The following RALGPS1 variants were observed in gnomAD, a reference collection of about 807,000 sequenced individuals.
The protein encoded by RALGPS1 is ras-specific guanine nucleotide-releasing factor RalGPS1.
Under a neutral mutation model 78.8 loss-of-function variants are expected in RALGPS1, and 19 were observed. The observed-to-expected ratio is 0.24, with a 90% CI of 0.17 to 0.35. RALGPS1 has a LOEUF of 0.35. Ranked by LOEUF, RALGPS1 falls within the 10% of genes least tolerant of loss-of-function variation. The pLI is 1.00. For missense variants in RALGPS1, 454 were observed against 688.3 expected (o/e 0.66, Z 3.81); for synonymous variants, 228 against 256.3 (o/e 0.89, Z 1.06).
intron 8 of RALGPS1, among the ~76,000 whole-genome samples, chr9:127,127,924 G>C (rs1041000917): frequency 4.6e-5 from 7 of 151,988 alleles, no homozygotes; most frequent in Non-Finnish European, 1.0e-4. Context: ...TGTGCACAAC[G>C]TGCAGGTTTT....
At chr9:127,197,976 C>T (rs1200038486) in intron 13 of RALGPS1, among the ~76,000 whole-genome samples, 5 of 152,144 alleles carry the variant, frequency 3.3e-5, no homozygotes, top group African/African-American at 7.2e-5. Context: ...CTCAGCTGGG[C>T]GGCAAAACAG....
In RALGPS1 at chr9:127,221,433, G is replaced by A. The variant is rs1288938370; in HGVS notation, c.*2664G>A. The stretch of plus-strand genomic sequence containing the variant: ...TTATAGAAAGCTGTCTACAACTGTG[G>A]AGTTGGTAGCTGGTAACATTGTTGT... On this transcript the variant is annotated 3_prime_UTR_variant, in exon 19 of 19. Transcript: ENST00000259351. 2 of 152,198 alleles carry A rather than the reference G, an allele frequency of 1.3e-5. No homozygotes were observed. The highest frequency in any genetic ancestry group is 2.9e-5 in the Non-Finnish European group (2 of 68,038). 9.4% of individuals were successfully genotyped at this position (152,198 alleles called of 1,614,324 possible).
Position 126,916,112 on chromosome 9 carries a change from A to T in RALGPS1, c.-66+1137A>T, listed in dbSNP as rs975894056. Among the ~76,000 whole-genome samples, 5 of 152,200 alleles carry T rather than the reference A, an allele frequency of 3.3e-5. 1 individual carries two copies. The highest frequency in any genetic ancestry group is 5.9e-5 in the Non-Finnish European group (4 of 68,034). ...CAGTGCCTACTGAGCAAATCGCTGG[A>T]TAAAGTTATGAGTTTCCTTTTTCTT... On this transcript the variant is annotated intron_variant, in intron 1 of 18. Coordinates refer to ENST00000259351, the MANE Select transcript of RALGPS1 (RefSeq NM_014636.3).
intron 8 of RALGPS1, among the ~76,000 whole-genome samples, chr9:127,140,208 T>C (rs575321253): frequency 9.2e-5 from 14 of 152,328 alleles, no homozygotes; most frequent in African/African-American, 3.1e-4. Context: ...CCACTTTTCC[T>C]CCTGCCTTGA....
chr9:127,190,230 T>C (rs1452087232), intron 11 of RALGPS1, among the ~76,000 whole-genome samples: 1 of 152,268 alleles, frequency 6.6e-6, no homozygotes, highest in Non-Finnish European at 1.5e-5. Flanking sequence ...TACTGTTGTT[T>C]TGTGTGTTTG....
intron 2 of RALGPS1, among the ~76,000 whole-genome samples, chr9:126,963,891 G>A (rs1214580439): frequency 1.3e-5 from 2 of 152,196 alleles, no homozygotes; most frequent in Admixed American, 6.5e-5. Context: ...GGGTATAGAA[G>A]TATAGAACGG....
At chr9:127,186,124 T>C (rs1489307844) in intron 11 of RALGPS1, among the ~76,000 whole-genome samples, 1 of 152,258 alleles carries the variant, frequency 6.6e-6, no homozygotes, top group East Asian at 1.9e-4. Flanking sequence ...ATGAGAGGTC[T>C]GTTGGGCAGC....
chr9:127,088,930 G>T (rs1228516997), intron 8 of RALGPS1: 1 of 1,614,194 alleles, frequency 6.2e-7, no homozygotes, highest in South Asian at 1.1e-5. Context: ...GTCAGGAGGG[G>T]GAGCTGGCTT....
intron 5 of RALGPS1, among the ~76,000 whole-genome samples, chr9:127,049,284 A>C (rs1361094057): frequency 2.6e-5 from 4 of 152,120 alleles, no homozygotes; most frequent in African/African-American, 9.7e-5. Context: ...CGTTGCATTG[A>C]GGTGCCATGT....
chr9:127,024,323 C>T (rs1226785325), intron 4 of RALGPS1, among the ~76,000 whole-genome samples: 1 of 151,326 alleles, frequency 6.6e-6, no homozygotes, highest in African/African-American at 2.4e-5. Flanking sequence ...CAAAGGTACA[C>T]TCTTTAAACT....
intron 1 of RALGPS1, among the ~76,000 whole-genome samples, chr9:126,921,194 G>T (rs553157816): frequency 6.6e-6 from 1 of 152,328 alleles, no homozygotes; most frequent in South Asian, 2.1e-4. Flanking sequence ...CATGATGAAA[G>T]TTAGGTATTG....
intron 8 of RALGPS1, among the ~76,000 whole-genome samples, chr9:127,107,289 A>G (rs951315114): frequency 6.6e-6 from 1 of 152,222 alleles, no homozygotes; most frequent in East Asian, 1.9e-4. Context: ...AAAACCTGCC[A>G]GCAATCCCAT....
At chr9:127,151,182 C>A (rs1588183005) in intron 8 of RALGPS1, among the ~76,000 whole-genome samples, 1 of 144,664 alleles carries the variant, frequency 6.9e-6, no homozygotes. Context: ...GACTCCGTCT[C>A]AAAAAAAAAA....
chr9:126,951,979 A>C (rs1001969178), intron 1 of RALGPS1, among the ~76,000 whole-genome samples: 7 of 152,256 alleles, frequency 4.6e-5, no homozygotes, highest in African/African-American at 1.7e-4. Flanking sequence ...AAGTCTCAGG[A>C]TACAAAATCT....
chr9:126,988,754 G>T (rs955402974), intron 4 of RALGPS1, among the ~76,000 whole-genome samples: 6 of 152,216 alleles, frequency 3.9e-5, no homozygotes, highest in African/African-American at 1.4e-4. Flanking sequence ...TGGTTGTGAG[G>T]CTGCTGCAAG....
chr9:127,125,203 C>T (rs1195900415), intron 8 of RALGPS1, among the ~76,000 whole-genome samples: 2 of 152,242 alleles, frequency 1.3e-5, no homozygotes, highest in African/African-American at 4.8e-5. Context: ...GTGTAACACA[C>T]ACTGCCTAGT....
Position 127,052,941 on chromosome 9 carries a change from T to C in RALGPS1, c.483+2T>C. ...TTCAGGCTGACAAAAACCTGGGCTG[T>C]AAGTTAATCTCCCTAAGTCTATCTA... On this transcript the variant is annotated splice_donor_variant, in intron 7 of 18. Coordinates refer to ENST00000259351, the MANE Select transcript of RALGPS1 (RefSeq NM_014636.3). LOFTEE classifies it high-confidence loss of function. 1 of 1,560,316 alleles carries C rather than the reference T, an allele frequency of 6.4e-7. No individual in the cohort carries two copies. The highest frequency in any genetic ancestry group is 1.1e-5 in the South Asian group (1 of 89,978).
At chr9:127,063,678 A>C (rs2049413981) in intron 7 of RALGPS1, among the ~76,000 whole-genome samples, 1 of 152,026 alleles carries the variant, frequency 6.6e-6, no homozygotes, top group Non-Finnish European at 1.5e-5. Flanking sequence ...GTTGAGTTGA[A>C]TATTTAGTTC....
chr9:127,178,461 T>C, intron 11 of RALGPS1: 1 of 1,001,766 alleles, frequency 1.0e-6, no homozygotes, highest in Non-Finnish European at 1.2e-6. Flanking sequence ...GTGCGCAACA[T>C]AGAACACACG....
Sources: gnomAD v4.1 joint callset for allele counts (sites outside exome capture counted in the v4.1 genomes callset) on GRCh38, gnomAD v4.1.1 for gene constraint, MANE v1.5 for transcripts, NCBI Gene and HGNC (gene_info 2026-07-23, HGNC 2026-07-21) for gene names.